The following SLC7A6 variants were observed in gnomAD, a reference collection of about 807,000 sequenced individuals.
SLC7A6 encodes the protein solute carrier family 7 member 6, also known as Y+L amino acid transporter 2.
Under a neutral mutation model 46.6 loss-of-function variants are expected in SLC7A6, and 29 were observed. The observed-to-expected ratio is 0.62, with a 90% CI of 0.46 to 0.85. SLC7A6 has a LOEUF of 0.85. SLC7A6 is among the 40% of genes least tolerant of loss of function. The pLI, the probability that SLC7A6 is intolerant of heterozygous loss-of-function variation, is 0.00. For synonymous variants in SLC7A6, 276 were observed against 257.3 expected (o/e 1.07, Z -0.70); for missense variants, 527 against 647.6 (o/e 0.81, Z 2.02).
At chr16:68,278,631 A>T (rs1421642835) in intron 3 of SLC7A6, among the ~76,000 whole-genome samples, 1 of 152,084 alleles carries the variant, frequency 6.6e-6, no homozygotes, top group Non-Finnish European at 1.5e-5. Context: ...GGTTGGGGGT[A>T]AGGTCATAGA....
chr16:68,284,174 C>T (rs1419832045), intron 3 of SLC7A6: 1 of 152,342 alleles, frequency 6.6e-6, no homozygotes, highest in Non-Finnish European at 1.5e-5. Context: ...TAGCTTCACA[C>T]TACCCTGGCT....
chr16:68,293,984 G>A (rs1381228791), intron 7 of SLC7A6, among the ~76,000 whole-genome samples: 6 of 152,028 alleles, frequency 3.9e-5, no homozygotes, highest in South Asian at 2.1e-4. Flanking sequence ...TGCAACCTCC[G>A]CCTCCTGGAT....
rs926773795 is a variant in SLC7A6 at position 68,290,971 on chromosome 16, T to G, written c.795-238T>G. 7.4e-6 allele frequency: 4 copies of G among 539,338 alleles called. No individual in the cohort carries two copies. In the African/African-American group the frequency reaches 7.6e-5, roughly 10 times the overall value. The allele number at this position is 539,338 out of a possible 1,614,324, so 33.4% of individuals were successfully genotyped here. ...GATGCAGGAGGATTATGAAACCCAG[T>G]AGGACCCATTGGTCCTACTGTGGCA... On this transcript the variant is annotated intron_variant, in intron 5 of 10. Coordinates refer to ENST00000219343, the MANE Select transcript of SLC7A6 (RefSeq NM_003983.6).
At chr16:68,265,940 AT>A (rs2042524117) in intron 1 of SLC7A6, among the ~76,000 whole-genome samples, 1 of 151,948 alleles carries the variant, frequency 6.6e-6, no homozygotes, top group African/African-American at 2.4e-5. Flanking sequence ...TCCTGCTGTA[AT>A]TTCTTGGATG....
chr16:68,276,060 C>T (rs1311651825), intron 3 of SLC7A6, among the ~76,000 whole-genome samples: 1 of 152,194 alleles, frequency 6.6e-6, no homozygotes, highest in African/African-American at 2.4e-5. Flanking sequence ...AAACTTCAGG[C>T]CCACAGGACC....
chr16:68,296,952 T>C (rs1163003769), intron 10 of SLC7A6, 142 bp downstream of exon 10: 2 of 885,492 alleles, frequency 2.3e-6, no homozygotes, highest in Non-Finnish European at 3.4e-6. Context: ...CCTTTTGATT[T>C]TGACATGATC....
intron 2 of SLC7A6, among the ~76,000 whole-genome samples, chr16:68,274,116 C>A (rs1486581676): frequency 6.6e-6 from 1 of 152,170 alleles, no homozygotes; most frequent in Non-Finnish European, 1.5e-5. Flanking sequence ...ATGACTAAAC[C>A]TGTCTTAGCA....
intron 3 of SLC7A6, chr16:68,284,604 T>A (rs910146501): frequency 8.2e-6 from 8 of 980,442 alleles, no homozygotes; most frequent in Non-Finnish European, 9.7e-6. Context: ...AGGACATTTA[T>A]GGCAGGATAG....
intron 7 of SLC7A6, among the ~76,000 whole-genome samples, chr16:68,293,608 G>C (rs2151231469): frequency 6.6e-6 from 1 of 152,270 alleles, no homozygotes; most frequent in South Asian, 2.1e-4. Context: ...AGACTCCACA[G>C]TGTGGCCTTG....
At chr16:68,267,582 CAG>C (rs2042556972) in intron 2 of SLC7A6, among the ~76,000 whole-genome samples, 1 of 152,044 alleles carries the variant, frequency 6.6e-6, no homozygotes, top group Admixed American at 6.6e-5. Context: ...TTGATTCAAC[CAG>C]AGGGGGGAAT....
chr16:68,282,328 G>A (rs2042843274), intron 3 of SLC7A6, among the ~76,000 whole-genome samples: 1 of 152,168 alleles, frequency 6.6e-6, no homozygotes, highest in South Asian at 2.1e-4. Flanking sequence ...CAGCAGTTTG[G>A]GAGGCCAAGG....
chr16:68,275,868 C>T (rs1431752655), intron 3 of SLC7A6, among the ~76,000 whole-genome samples: 3 of 151,690 alleles, frequency 2.0e-5, no homozygotes, highest in Non-Finnish European at 2.9e-5. Flanking sequence ...ACAGCTGTTT[C>T]GATTGAAGTC....
chr16:68,298,086 T>C lies in SLC7A6; in HGVS notation c.*758T>C, dbSNP rs909925431. The C allele has an allele frequency of 6.6e-6, 1 of 152,654 alleles. No homozygotes were observed. The highest frequency in any genetic ancestry group is 2.4e-5 in the African/African-American group (1 of 41,458). The allele number at this position is 152,654 out of a possible 1,614,324, so 9.5% of individuals were successfully genotyped here. ...TACCTGTTACACTTTAGCATACAGA[T>C]AGATCATAGATCACGTTACAAGCAC... On this transcript the variant is annotated 3_prime_UTR_variant, in exon 11 of 11. Transcript: ENST00000219343.
intron 3 of SLC7A6, among the ~76,000 whole-genome samples, chr16:68,277,757 A>G (rs1396936086): frequency 6.6e-6 from 1 of 151,706 alleles, no homozygotes; most frequent in African/African-American, 2.4e-5. Context: ...CCTCCCGAAT[A>G]GCTGGGATTT....
rs1449571657 is a variant in SLC7A6 at position 68,275,001 on chromosome 16, T to C, written c.275T>C (p.Val92Ala). Residue 92 changes from valine (V) to alanine (A), a missense_variant, in exon 3 of 11, where the codon GTT (valine) becomes GCT (alanine). Coordinates refer to ENST00000219343, the MANE Select transcript of SLC7A6 (RefSeq NM_003983.6). ...TGGGCCATTGGTGGGCTCTTCTCTG[T>C]TGTGGGTGCCCTTTGTTATGCAGAG... ...IVWAIGGLFS[V>A]VGALCYAELG... 6.2e-7 allele frequency: 1 copy of C among 1,614,166 alleles called. No individual in the cohort carries two copies. The highest frequency in any genetic ancestry group is 1.7e-5 in the Admixed American group (1 of 60,020).
chr16:68,279,673 G>C (rs1399244002), intron 3 of SLC7A6, among the ~76,000 whole-genome samples: 1 of 152,132 alleles, frequency 6.6e-6, no homozygotes, highest in Non-Finnish European at 1.5e-5. Context: ...CAAGTAGCTG[G>C]GATTACAGGT....
At chr16:68,279,924 G>A (rs1242136710) in intron 3 of SLC7A6, among the ~76,000 whole-genome samples, 1 of 152,170 alleles carries the variant, frequency 6.6e-6, no homozygotes, top group Non-Finnish European at 1.5e-5. Context: ...TAGAAGCACT[G>A]GCTTTTCCAG....
chr16:68,300,864 G>A lies in SLC7A6; in HGVS notation c.*3536G>A. On this transcript the variant is annotated 3_prime_UTR_variant, in exon 11 of 11. Transcript: ENST00000219343. ...TTTTAGATTCTATCAAAAGGAACAG[G>A]GTTTTCCTAGAGGCAGGCAGCCTGG... 1 of 989,144 alleles carries A rather than the reference G, an allele frequency of 1.0e-6. No homozygotes were observed. The highest frequency in any genetic ancestry group is 1.2e-6 in the Non-Finnish European group (1 of 832,508). 61.3% of individuals were successfully genotyped at this position (989,144 alleles called of 1,614,324 possible).
Position 68,291,567 on chromosome 16 carries a change from G to C in SLC7A6, c.928G>C (p.Asp310His), listed in dbSNP as rs748559913. The change falls in exon 7 of 11, where the codon GAC (aspartate) becomes CAC (histidine). Residue 310 changes from aspartate (D) to histidine (H), a missense_variant. Physicochemically the swap from Asp to His is moderately conservative, Grantham distance 81. Transcript: ENST00000219343. The part of the protein sequence containing the change: ...SSDAVAVTFA[D>H]QTFGMFSWTI... Reference sequence around the variant, plus strand: ...TGTGCCCTGCCCCCAGACATTTGCTGACCAGACGTTTGGCATGTTCAGCTG... The same window carrying C: ...TGTGCCCTGCCCCCAGACATTTGCTCACCAGACGTTTGGCATGTTCAGCTG... 6.2e-7 allele frequency: 1 copy of C among 1,614,118 alleles called. No individual in the cohort carries two copies. The highest frequency in any genetic ancestry group is 8.5e-7 in the Non-Finnish European group (1 of 1,180,022).
Sources: gnomAD v4.1 joint callset for allele counts (sites outside exome capture counted in the v4.1 genomes callset) on GRCh38, gnomAD v4.1.1 for gene constraint, MANE v1.5 for transcripts, NCBI Gene and HGNC (gene_info 2026-07-23, HGNC 2026-07-21) for gene names.